NCALD: variants seen among roughly 807,000 people sequenced by gnomAD.
The protein encoded by NCALD is neurocalcin delta.
A neutral mutation model predicts 18.6 loss-of-function variants in NCALD; 10 were observed. That is an observed-to-expected ratio of 0.54 (90% confidence interval 0.33 to 0.91). The LOEUF (loss-of-function observed/expected upper bound fraction) is 0.91, where lower values mean the gene tolerates loss of function less well. Ranked by LOEUF, NCALD falls within the 40% of genes least tolerant of loss-of-function variation. NCALD has a pLI of 0.03. For missense variants in NCALD, 184 were observed against 247.6 expected (o/e 0.74, Z 1.72); for synonymous variants, 88 against 87.4 (o/e 1.01, Z -0.04).
intron 2 of NCALD, among the ~76,000 whole-genome samples, chr8:101,713,543 TA>T (rs1815916772): frequency 6.6e-6 from 1 of 150,728 alleles, no homozygotes; most frequent in African/African-American, 2.4e-5. Flanking sequence ...GCCAGATTAA[TA>T]AAGAAGAAAA....
At chr8:101,919,597 T>A (rs1818092099) in intron 2 of NCALD, among the ~76,000 whole-genome samples, 1 of 151,018 alleles carries the variant, frequency 6.6e-6, no homozygotes, top group African/African-American at 2.4e-5. Context: ...ACAGACAATC[T>A]ACAGAATGGA....
At chr8:101,718,161 A>G (rs1816176035) in intron 2 of NCALD, among the ~76,000 whole-genome samples, 1 of 152,210 alleles carries the variant, frequency 6.6e-6, no homozygotes, top group Admixed American at 6.5e-5. Flanking sequence ...GCCTGGAAAC[A>G]CTGTGGGCCT....
At position 101,888,586 on chromosome 8, in the gene NCALD, CT is replaced by C. The variant is rs200997296; in HGVS notation, c.-106-1360del. Reference sequence around the variant, plus strand: ...GGATGCCCCAACATGCCTGGCTAACCTTTTTTTTTTAATAGAGATGAGGGCT... The same window carrying C: ...GGATGCCCCAACATGCCTGGCTAACCTTTTTTTTTAATAGAGATGAGGGCT... On this transcript the variant is annotated intron_variant, in intron 3 of 6. Coordinates refer to the NCALD transcript ENST00000311028. Among the ~76,000 whole-genome samples, 248 of 147,088 alleles carry C rather than the reference CT, an allele frequency of 1.7e-3. No individual in the cohort carries two copies. In the East Asian group the frequency reaches 0.038, roughly 23 times the overall value.
At chr8:101,777,270 C>A (rs985504285) in intron 1 of NCALD, among the ~76,000 whole-genome samples, 1 of 152,182 alleles carries the variant, frequency 6.6e-6, no homozygotes, top group Non-Finnish European at 1.5e-5. Flanking sequence ...GTGGGGTGCA[C>A]TGAGGACACA....
chr8:101,765,159 G>A (rs945549301), intron 1 of NCALD, among the ~76,000 whole-genome samples: 1 of 152,162 alleles, frequency 6.6e-6, no homozygotes, highest in African/African-American at 2.4e-5. Context: ...TCTATACACG[G>A]CACTCCAGGC....
At chr8:101,902,746 C>T (rs1389498090) in intron 3 of NCALD, among the ~76,000 whole-genome samples, 1 of 152,144 alleles carries the variant, frequency 6.6e-6, no homozygotes, top group Non-Finnish European at 1.5e-5. Flanking sequence ...TTTTCTCTCC[C>T]CCAGCATGTG....
At chr8:101,751,340 G>A (rs541119916) in intron 1 of NCALD, among the ~76,000 whole-genome samples, 5 of 152,098 alleles carry the variant, frequency 3.3e-5, no homozygotes, top group Admixed American at 6.6e-5. Context: ...CTGGGATGTC[G>A]GGGCGTGGGG....
At chr8:101,760,888 G>C (rs1192647435) in intron 1 of NCALD, among the ~76,000 whole-genome samples, 1 of 152,054 alleles carries the variant, frequency 6.6e-6, no homozygotes, top group Non-Finnish European at 1.5e-5. Context: ...CCAAAGCCAG[G>C]TCAGGTCAAA....
intron 2 of NCALD, among the ~76,000 whole-genome samples, chr8:102,004,828 T>A (rs1363916872): frequency 2.6e-5 from 4 of 152,164 alleles, no homozygotes; most frequent in Admixed American, 6.5e-5. Context: ...GCTAGCCATA[T>A]GTAGAAAGCT....
chr8:101,697,660 A>G (rs1815064696), intron 2 of NCALD, among the ~76,000 whole-genome samples: 1 of 152,168 alleles, frequency 6.6e-6, no homozygotes, highest in Non-Finnish European at 1.5e-5. Context: ...AAATAAACAT[A>G]ATCCATCATA....
At chr8:101,726,749 G>A (rs1004258668) in intron 1 of NCALD, among the ~76,000 whole-genome samples, 2 of 152,080 alleles carry the variant, frequency 1.3e-5, no homozygotes, top group Non-Finnish European at 2.9e-5. Context: ...TATAAATTTG[G>A]TAGTCATCAG....
At chr8:101,979,485 A>G (rs949618246) in intron 2 of NCALD, among the ~76,000 whole-genome samples, 2 of 152,230 alleles carry the variant, frequency 1.3e-5, no homozygotes, top group Admixed American at 6.5e-5. Flanking sequence ...GAATAAAAAT[A>G]GAGTCCTATA....
intron 2 of NCALD, among the ~76,000 whole-genome samples, chr8:102,017,235 T>C (rs1822115407): frequency 6.6e-6 from 1 of 151,972 alleles, no homozygotes. Flanking sequence ...TATGTGATGC[T>C]CAAAAATTTA....
intron 4 of NCALD, among the ~76,000 whole-genome samples, chr8:101,841,241 G>A (rs1040579715): frequency 2.0e-5 from 3 of 152,340 alleles, no homozygotes; most frequent in South Asian, 4.1e-4. Context: ...ACCAGCTTCT[G>A]TCACTCAGGG....
intron 4 of NCALD, among the ~76,000 whole-genome samples, chr8:101,874,574 G>C (rs1208403550): frequency 1.3e-5 from 2 of 152,056 alleles, no homozygotes; most frequent in African/African-American, 4.8e-5. Context: ...GTCTCCCTCT[G>C]TTGCCCAGGC....
At chr8:102,011,412 C>T (rs1455227378) in intron 2 of NCALD, among the ~76,000 whole-genome samples, 3 of 152,184 alleles carry the variant, frequency 2.0e-5, no homozygotes, top group Non-Finnish European at 2.9e-5. Context: ...GAGGAAGTCA[C>T]GAGGTCTCAC....
Position 102,019,220 on chromosome 8 carries a change from C to T in NCALD, c.-157+1017G>A, listed in dbSNP as rs574911335. On this transcript the variant is annotated intron_variant, in intron 2 of 6. Transcript: ENST00000311028. ...AAATTTAAACAATATGATGTTACTA[C>T]ATACCCACCAGAAGAGCTTAACTAA... is the stretch of plus-strand genomic sequence containing the variant. Among the ~76,000 whole-genome samples the T allele has an allele frequency of 8.5e-5, 13 of 152,104 alleles. 1 individual carries two copies. The South Asian group carries it at 2.3e-3, about 27-fold the overall frequency.
chr8:101,872,027 T>G, intron 4 of NCALD: 1 of 1,134,476 alleles, frequency 8.8e-7, no homozygotes, highest in Non-Finnish European at 1.3e-6. Flanking sequence ...AACTGAGCCT[T>G]GATGTCTCCT....
At chr8:101,733,515 A>G (rs1486587819) in intron 1 of NCALD, among the ~76,000 whole-genome samples, 2 of 151,560 alleles carry the variant, frequency 1.3e-5, no homozygotes, top group African/African-American at 2.4e-5. Flanking sequence ...CATTTTTCCC[A>G]ATGAATAGGG....
Sources: gnomAD v4.1 joint callset for allele counts (sites outside exome capture counted in the v4.1 genomes callset) on GRCh38, gnomAD v4.1.1 for gene constraint, MANE v1.5 for transcripts, NCBI Gene and HGNC (gene_info 2026-07-23, HGNC 2026-07-21) for gene names.